SERBP1: variants seen among roughly 807,000 people sequenced by gnomAD.
SERBP1 encodes the protein SERPINE1 mRNA-binding protein 1.
SERBP1 carries 6 observed loss-of-function variants against 50.2 expected under a neutral mutation model. That is an observed-to-expected ratio of 0.12 (90% CI 0.07 to 0.24). SERBP1 has a LOEUF of 0.24. Among genes scored for constraint, SERBP1 ranks in the 10% least tolerant of loss-of-function variants. SERBP1 has a pLI of 1.00. For missense variants in SERBP1, 346 were observed against 524.9 expected (o/e 0.66, Z 3.33); for synonymous variants, 168 against 182.8 (o/e 0.92, Z 0.65).
rs1347419649 is a variant in SERBP1, at chr1:67,426,284, T to A, written c.315A>T (p.Gly105=). The A allele has an allele frequency of 5.7e-6, 9 of 1,586,890 alleles. No homozygotes were observed. The South Asian group carries it at 1.0e-4, about 18-fold the overall frequency. Residue 105 remains glycine, a splice_region_variant and synonymous_variant, in exon 2 of 8, where the codon GGA becomes GGT. Transcript: ENST00000361219. The part of the protein sequence containing the change: ...TQPPVALKKE[G]IRRVGRRPDQ... ...CAGGTCTTCTTCCAACTCGTCTTAT[T>A]CCTAAAACGATAAGATAACCTGCAT... is the stretch of plus-strand genomic sequence containing the variant.
intron 6 of SERBP1, among the ~76,000 whole-genome samples, chr1:67,419,090 T>C (rs758567807): frequency 3.3e-4 from 50 of 152,236 alleles, no homozygotes; most frequent in Non-Finnish European, 5.9e-4. Flanking sequence ...TCCAATACAG[T>C]TGACCCTTGA....
intron 4 of SERBP1, 131 bp from the exon 5 acceptor site, chr1:67,424,408 A>C: frequency 7.8e-6 from 9 of 1,154,208 alleles, no homozygotes; most frequent in Non-Finnish European, 1.1e-5. Context: ...ATAAGCTCTC[A>C]CATTCTCTAA....
intron 5 of SERBP1, among the ~76,000 whole-genome samples, chr1:67,423,499 T>C (rs1446286277): frequency 6.7e-6 from 1 of 149,268 alleles, no homozygotes; most frequent in East Asian, 2.0e-4. Context: ...CCCAGCTACT[T>C]AGGAGGCTGA....
chr1:67,429,881 GC>G, intron 1 of SERBP1, 106 bp downstream of exon 1: 1 of 1,237,028 alleles, frequency 8.1e-7, no homozygotes, highest in Non-Finnish European at 1.1e-6. Flanking sequence ...GATATAGGCG[GC>G]AAAGTCTCCC....
rs1666710729 is a variant in SERBP1, at chr1:67,408,569, C to CTAA, written c.*4637_*4638insTTA. On this transcript the variant is annotated 3_prime_UTR_variant, in exon 8 of 8. Transcript: ENST00000361219. ...TCTGTCCAAATGGGAATTCTAAGCT[C>CTAA]AAAAAAAAAAAAAAAAAGATGCAAT... 1 of 130,692 alleles carries CTAA rather than the reference C, an allele frequency of 7.7e-6. No homozygotes were observed. 8.1% of individuals were successfully genotyped at this position (130,692 alleles called of 1,614,324 possible).
At chr1:67,421,980 C>T (rs1667213362) in intron 5 of SERBP1, among the ~76,000 whole-genome samples, 1 of 152,102 alleles carries the variant, frequency 6.6e-6, no homozygotes, top group Admixed American at 6.5e-5. Context: ...AGAAACTTAA[C>T]GTTGCATAGG....
chr1:67,429,507 C>G (rs1667494827), intron 1 of SERBP1: 1 of 153,396 alleles, frequency 6.5e-6, no homozygotes, highest in Admixed American at 6.5e-5. Context: ...TCCGCGCCGT[C>G]GTGGGACAAG....
Position 67,412,687 on chromosome 1 carries a change from ATAGT to A in SERBP1, c.*516_*519del, listed in dbSNP as rs1360906826. On this transcript the variant is annotated 3_prime_UTR_variant, in exon 8 of 8. Transcript: ENST00000361219. ...ATATTAAAACTAAGTTAAAATACAT[ATAGT>A]TAGTATTCCACACAGCATAAAATTT... 6.5e-6 allele frequency: 1 copy of A among 152,778 alleles called. No individual in the cohort carries two copies. Among genetic ancestry groups the A allele is most frequent in the African/African-American group, 2.4e-5 (1 of 41,464 alleles). 9.5% of individuals were successfully genotyped at this position (152,778 alleles called of 1,614,324 possible). A position where few individuals can be genotyped will look rare whatever the true frequency, so the allele number is the denominator to read the frequency against.
chr1:67,423,079 C>T (rs904237647), intron 5 of SERBP1, among the ~76,000 whole-genome samples: 8 of 150,452 alleles, frequency 5.3e-5, no homozygotes, highest in Admixed American at 6.6e-5. Flanking sequence ...TTTGGGAGGC[C>T]AAGGAGGGTG....
Position 67,412,061 on chromosome 1 carries a change from T to C in SERBP1, c.*1146A>G, listed in dbSNP as rs1465042610. ...GTAAAGGTTTTTGGTTTATATTTCA[T>C]GTATAGTGCTGCTGTTCCAACCTTA... is the stretch of plus-strand genomic sequence containing the variant. On this transcript the variant is annotated 3_prime_UTR_variant, in exon 8 of 8. Transcript: ENST00000361219. 3 of 152,678 alleles carry C rather than the reference T, an allele frequency of 2.0e-5. No homozygotes were observed. Among genetic ancestry groups the C allele is most frequent in the Admixed American group, 2.0e-4 (3 of 15,288 alleles). The allele number at this position is 152,678 out of a possible 1,614,324, so 9.5% of individuals were successfully genotyped here.
At chr1:67,417,819 AG>A (rs1198417031) in intron 6 of SERBP1, among the ~76,000 whole-genome samples, 2 of 151,790 alleles carry the variant, frequency 1.3e-5, no homozygotes. Flanking sequence ...CCTTTTTTCT[AG>A]AGCACTCAGA....
chr1:67,413,387 A>T, intron 7 of SERBP1, 124 bp from the exon 8 acceptor site: 1 of 852,690 alleles, frequency 1.2e-6, no homozygotes, highest in Non-Finnish European at 1.7e-6. Context: ...AGTGGCTCAC[A>T]CCTGTAATCC....
At chr1:67,418,791 T>C (rs969512463) in intron 6 of SERBP1, among the ~76,000 whole-genome samples, 2 of 152,244 alleles carry the variant, frequency 1.3e-5, no homozygotes, top group African/African-American at 4.8e-5. Flanking sequence ...TAATACCTTA[T>C]TGAAAGGGTT....
At chr1:67,428,703 A>G in intron 1 of SERBP1, among the ~76,000 whole-genome samples, 1 of 146,874 alleles carries the variant, frequency 6.8e-6, no homozygotes, top group Non-Finnish European at 1.5e-5. Flanking sequence ...CCTAGGACCG[A>G]GGTTCTTCAT....
In SERBP1 at chr1:67,411,046, T is replaced by G. The variant is rs997284773; in HGVS notation, c.*2161A>C. On this transcript the variant is annotated 3_prime_UTR_variant, in exon 8 of 8. Coordinates refer to ENST00000361219, the MANE Select transcript of SERBP1 (RefSeq NM_001018069.2). ...CCTATTTGATTGTTTTTATGACTTT[T>G]AAGAAGTGAGCATGAAAATAAATCT... The G allele has an allele frequency of 2.0e-5, 3 of 152,182 alleles. No homozygotes were observed. Among genetic ancestry groups the G allele is most frequent in the Non-Finnish European group, 4.4e-5 (3 of 67,996 alleles). The allele number at this position is 152,182 out of a possible 1,614,324, so 9.4% of individuals were successfully genotyped here. A position where few individuals can be genotyped will look rare whatever the true frequency, so the allele number is the denominator to read the frequency against.
chr1:67,428,680 CT>C (rs1667465852), intron 1 of SERBP1, among the ~76,000 whole-genome samples: 1 of 129,546 alleles, frequency 7.7e-6, no homozygotes, highest in South Asian at 2.7e-4. Context: ...TAATTATTTT[CT>C]TTTATTCACC....
chr1:67,429,705 G>A, intron 1 of SERBP1: 2 of 321,438 alleles, frequency 6.2e-6, no homozygotes, highest in Non-Finnish European at 1.1e-5. Context: ...CCAGGACCTC[G>A]AGCGCGCTCG....
At position 67,410,925 on chromosome 1, in the gene SERBP1, A is replaced by G. The variant is rs551678467; in HGVS notation, c.*2282T>C. ...GATTCAACAGCCTGGTTTTTAGCAA[A>G]TAAAAACCCCATATAAAATTCAATT... On this transcript the variant is annotated 3_prime_UTR_variant, in exon 8 of 8. Transcript: ENST00000361219. 1.3e-5 allele frequency: 2 copies of G among 152,298 alleles called. No homozygotes were observed. Among genetic ancestry groups the G allele is most frequent in the South Asian group, 4.1e-4 (2 of 4,830 alleles). 9.4% of individuals were successfully genotyped at this position (152,298 alleles called of 1,614,324 possible).
At chr1:67,415,460 T>C in intron 6 of SERBP1, 121 bp from the exon 7 acceptor site, 1 of 920,638 alleles carries the variant, frequency 1.1e-6, no homozygotes, top group Non-Finnish European at 1.6e-6. Context: ...TGTGAACAAA[T>C]GTCTCAATGC....
Sources: allele counts gnomAD v4.1 joint callset (sites outside exome capture counted in the v4.1 genomes callset), GRCh38; gene constraint gnomAD v4.1.1; transcripts MANE v1.5; gene names NCBI Gene and HGNC (gene_info 2026-07-23, HGNC 2026-07-21).